Variants in RUNX1 observed in about 807,000 individuals in gnomAD.
RUNX1 encodes the protein RUNX family transcription factor 1.
Under a neutral mutation model 42.8 loss-of-function variants are expected in RUNX1, and 19 were observed. The observed-to-expected ratio is 0.44, with a 90% confidence interval of 0.31 to 0.65. The LOEUF (loss-of-function observed/expected upper bound fraction) is 0.65, where lower values mean the gene tolerates loss of function less well. RUNX1 is among the 30% of genes least tolerant of loss of function. RUNX1 has a pLI of 0.07. For synonymous variants in RUNX1, 271 were observed against 289.4 expected (o/e 0.94, Z 0.64); for missense variants, 528 against 672.0 (o/e 0.79, Z 2.37).
chr21:34,850,539 G>A (rs2057403379), intron 6 of RUNX1, among the ~76,000 whole-genome samples: 1 of 152,178 alleles, frequency 6.6e-6, no homozygotes, highest in African/African-American at 2.4e-5. Context: ...CTGCAGCTGT[G>A]TCATGCCTCT....
intron 2 of RUNX1, among the ~76,000 whole-genome samples, chr21:35,026,156 G>A (rs1161150536): frequency 3.3e-5 from 5 of 152,182 alleles, no homozygotes; most frequent in Non-Finnish European, 7.4e-5. Flanking sequence ...AGAGAAGTTC[G>A]TATTACTGAT....
intron 5 of RUNX1, among the ~76,000 whole-genome samples, chr21:34,876,842 T>C (rs539910951): frequency 6.8e-6 from 1 of 146,670 alleles, no homozygotes; most frequent in Admixed American, 6.7e-5. Flanking sequence ...ACAGATTTCA[T>C]TGCTAAAATT....
chr21:34,910,762 T>G (rs1017667580), intron 2 of RUNX1, among the ~76,000 whole-genome samples: 1 of 152,094 alleles, frequency 6.6e-6, no homozygotes, highest in Non-Finnish European at 1.5e-5. Flanking sequence ...GTGTTTTGTA[T>G]TTTTTGTCGT....
At chr21:35,025,959 G>A (rs182324452) in intron 2 of RUNX1, among the ~76,000 whole-genome samples, 48 of 152,122 alleles carry the variant, frequency 3.2e-4, no homozygotes, top group African/African-American at 1.1e-3. Flanking sequence ...CTATGTTTTC[G>A]GACAAGAAGA....
At chr21:34,856,457 A>G (rs552478367) in intron 6 of RUNX1, 4 of 519,030 alleles carry the variant, frequency 7.7e-6, no homozygotes, top group African/African-American at 1.9e-5. Context: ...TCTATAAGAA[A>G]GAAATAGATG....
chr21:34,855,227 C>G (rs2057479551), intron 6 of RUNX1, among the ~76,000 whole-genome samples: 1 of 152,192 alleles, frequency 6.6e-6, no homozygotes, highest in African/African-American at 2.4e-5. Context: ...CTCAACCTCT[C>G]CTTGGCAAAA....
At chr21:34,949,491 G>A (rs2058590396) in intron 2 of RUNX1, among the ~76,000 whole-genome samples, 1 of 152,256 alleles carries the variant, frequency 6.6e-6, no homozygotes. Flanking sequence ...ATGTGGCTGG[G>A]TTGAATGCTT....
intron 2 of RUNX1, among the ~76,000 whole-genome samples, chr21:34,977,025 T>A (rs2058807190): frequency 1.3e-5 from 2 of 152,222 alleles, no homozygotes; most frequent in South Asian, 4.1e-4. Context: ...AAAATATTTA[T>A]CTTCACCAAT....
chr21:34,872,140 G>A lies in RUNX1; in HGVS notation c.508+8417C>T, dbSNP rs113674458. Among the ~76,000 whole-genome samples the A allele has an allele frequency of 1.9e-3, 286 of 152,260 alleles. 5 individuals are homozygous for A. Among genetic ancestry groups the A allele is most frequent in the African/African-American group, 6.2e-3 (257 of 41,544 alleles). ...ATTACAGGTGTGAGCCAGCATGCCC[G>A]GCTCTTTATCACTTTTTTAATATGA... is the stretch of plus-strand genomic sequence containing the variant. On this transcript the variant is annotated intron_variant, in intron 5 of 8. Coordinates refer to ENST00000675419, the MANE Select transcript of RUNX1 (RefSeq NM_001754.5).
At chr21:34,903,926 CGTAATTAT>C (rs1569096239) in intron 2 of RUNX1, among the ~76,000 whole-genome samples, 1 of 151,986 alleles carries the variant, frequency 6.6e-6, no homozygotes, top group African/African-American at 2.4e-5. Flanking sequence ...TCTCTAATTA[CGTAATTAT>C]ATTTTCTAAA....
At chr21:34,800,301 G>C (rs2056590823) in intron 7 of RUNX1, among the ~76,000 whole-genome samples, 1 of 152,240 alleles carries the variant, frequency 6.6e-6, no homozygotes, top group Non-Finnish European at 1.5e-5. Context: ...ACTGTTTGCA[G>C]ATGAAAAGGG....
chr21:34,988,644 T>A (rs1006159099), intron 2 of RUNX1, among the ~76,000 whole-genome samples: 3 of 152,202 alleles, frequency 2.0e-5, no homozygotes, highest in African/African-American at 7.2e-5. Flanking sequence ...AGCTTGTTAT[T>A]TCTACTGCTG....
chr21:34,982,462 T>C (rs968735838), intron 2 of RUNX1, among the ~76,000 whole-genome samples: 6 of 150,682 alleles, frequency 4.0e-5, no homozygotes, highest in Admixed American at 1.3e-4. Context: ...AGAGTTTGGA[T>C]TGGGAAAGTT....
chr21:34,837,856 T>A (rs1357371261), intron 6 of RUNX1, among the ~76,000 whole-genome samples: 1 of 152,208 alleles, frequency 6.6e-6, no homozygotes, highest in Non-Finnish European at 1.5e-5. Flanking sequence ...TGGGACATCT[T>A]AATCTTAAGC....
chr21:34,803,279 G>A (rs2056632948), intron 7 of RUNX1, among the ~76,000 whole-genome samples: 1 of 152,108 alleles, frequency 6.6e-6, no homozygotes, highest in Non-Finnish European at 1.5e-5. Flanking sequence ...CGGGCGCAGT[G>A]GCTCATACCT....
chr21:34,880,621 G>A lies in RUNX1; in HGVS notation c.444C>T (p.Thr148=), dbSNP rs773689002. 124 of 1,614,052 alleles carry A rather than the reference G, an allele frequency of 7.7e-5. No individual in the cohort carries two copies. Among genetic ancestry groups the A allele is most frequent in the Non-Finnish European group, 9.0e-5 (106 of 1,179,976 alleles). ...TTGCAACCTGGTTCTTCATGGCTGC[G>A]GTAGCATTTCTCAGCTCAGCCGAGT... ...ENYSAELRNA[T]AAMKNQVARF... Residue 148 remains threonine, a synonymous_variant, in exon 5 of 9, where the codon ACC becomes ACT. Transcript: ENST00000675419.
At chr21:34,822,810 G>C (rs919583592) in intron 7 of RUNX1, among the ~76,000 whole-genome samples, 2 of 152,196 alleles carry the variant, frequency 1.3e-5, no homozygotes, top group Non-Finnish European at 2.9e-5. Context: ...TGGAGTGAGA[G>C]TGGCCACAAC....
At chr21:34,798,481 T>C (rs1488188605) in intron 8 of RUNX1, among the ~76,000 whole-genome samples, 1 of 152,226 alleles carries the variant, frequency 6.6e-6, no homozygotes, top group Non-Finnish European at 1.5e-5. Context: ...CCTGAGTTTT[T>C]CACGCTGTTC....
chr21:34,961,396 CAA>C (rs1323982315), intron 2 of RUNX1, among the ~76,000 whole-genome samples: 1 of 151,710 alleles, frequency 6.6e-6, no homozygotes, highest in Non-Finnish European at 1.5e-5. Flanking sequence ...ATAATAATAA[CAA>C]TAACAGAAAC....
Sources: gnomAD v4.1 joint callset for allele counts (sites outside exome capture counted in the v4.1 genomes callset) on GRCh38, gnomAD v4.1.1 for gene constraint, MANE v1.5 for transcripts, NCBI Gene and HGNC (gene_info 2026-07-23, HGNC 2026-07-21) for gene names.